Variants in FAT3 observed in about 807,000 individuals in gnomAD.
The protein encoded by FAT3 is protocadherin Fat 3.
FAT3 carries 95 observed loss-of-function variants against 310.2 expected under a neutral mutation model. That is an observed-to-expected ratio of 0.31 (90% CI 0.26 to 0.36). The LOEUF is 0.36. Ranked by LOEUF, FAT3 falls within the 10% of genes least tolerant of loss-of-function variation. The pLI is 1.00. For missense variants in FAT3, 5,408 were observed against 5,715.6 expected (o/e 0.95, Z 1.74); for synonymous variants, 2,314 against 2,192.9 (o/e 1.06, Z -1.54).
chr11:92,549,633 G>A (rs751252300), intron 3 of FAT3, among the ~76,000 whole-genome samples: 18 of 152,192 alleles, frequency 1.2e-4, no homozygotes, highest in African/African-American at 3.9e-4. Flanking sequence ...AACATACTTA[G>A]CATTCATTAT....
chr11:92,311,037 T>A (rs1947288886), intron 1 of FAT3, among the ~76,000 whole-genome samples: 1 of 151,722 alleles, frequency 6.6e-6, no homozygotes, highest in Admixed American at 6.6e-5. Flanking sequence ...TATATATACA[T>A]ACACATATAT....
chr11:92,366,426 A>G, intron 2 of FAT3: 1 of 349,208 alleles, frequency 2.9e-6, no homozygotes, highest in African/African-American at 2.1e-5. Flanking sequence ...CATGTCCAGG[A>G]GGGAGGTGCA....
chr11:92,516,310 C>G (rs2135329885), intron 2 of FAT3, among the ~76,000 whole-genome samples: 1 of 152,224 alleles, frequency 6.6e-6, no homozygotes, highest in East Asian at 1.9e-4. Context: ...CGGCTTCATC[C>G]CTGGGATGCA....
At chr11:92,566,038 G>A (rs1955426952) in intron 3 of FAT3, among the ~76,000 whole-genome samples, 1 of 152,284 alleles carries the variant, frequency 6.6e-6, no homozygotes, top group Non-Finnish European at 1.5e-5. Flanking sequence ...TCTGGCTAGG[G>A]CAATAGGCAG....
intron 2 of FAT3, among the ~76,000 whole-genome samples, chr11:92,480,610 A>G (rs1298526473): frequency 6.6e-6 from 1 of 152,192 alleles, no homozygotes; most frequent in Non-Finnish European, 1.5e-5. Flanking sequence ...AAAATGTAAT[A>G]TGTCCATTCT....
intron 2 of FAT3, among the ~76,000 whole-genome samples, chr11:92,401,060 C>T (rs1326180028): frequency 6.6e-6 from 1 of 152,128 alleles, no homozygotes; most frequent in East Asian, 1.9e-4. Flanking sequence ...TCCTTATTGC[C>T]ATTCTTACAA....
intron 1 of FAT3, among the ~76,000 whole-genome samples, chr11:92,293,548 ATAT>A (rs1946765581): frequency 5.7e-5 from 1 of 17,456 alleles, no homozygotes; most frequent in Non-Finnish European, 1.3e-4. Context: ...ATATATATAT[ATAT>A]AAATAAAATA....
chr11:92,269,745 C>T (rs932623149), intron 1 of FAT3, among the ~76,000 whole-genome samples: 2 of 152,016 alleles, frequency 1.3e-5, no homozygotes, highest in African/African-American at 4.8e-5. Context: ...TCACCATATT[C>T]GAAATGGGAG....
chr11:92,433,504 C>G (rs1950848291), intron 2 of FAT3, among the ~76,000 whole-genome samples: 1 of 152,158 alleles, frequency 6.6e-6, no homozygotes, highest in African/African-American at 2.4e-5. Flanking sequence ...CTGACCCCTT[C>G]TACTTCCTGG....
chr11:92,778,365 A>G (rs1946647381), intron 7 of FAT3, among the ~76,000 whole-genome samples: 1 of 152,172 alleles, frequency 6.6e-6, no homozygotes, highest in South Asian at 2.1e-4. Flanking sequence ...TAGTCCATTA[A>G]CTGACACCAG....
At chr11:92,298,345 C>A (rs1591071052) in intron 1 of FAT3, among the ~76,000 whole-genome samples, 1 of 152,018 alleles carries the variant, frequency 6.6e-6, no homozygotes, top group East Asian at 1.9e-4. Context: ...TGGAGGAGTT[C>A]TTTGTTTACA....
At chr11:92,734,731 A>G (rs1428875821) in intron 4 of FAT3, among the ~76,000 whole-genome samples, 1 of 152,160 alleles carries the variant, frequency 6.6e-6, no homozygotes, top group Non-Finnish European at 1.5e-5. Flanking sequence ...AGAAGGAACA[A>G]GGTGTGTGTA....
At chr11:92,634,065 G>A (rs951293635) in intron 3 of FAT3, among the ~76,000 whole-genome samples, 4 of 152,174 alleles carry the variant, frequency 2.6e-5, no homozygotes, top group African/African-American at 9.7e-5. Context: ...GTCCACTGCT[G>A]ACTAGAAGGT....
chr11:92,759,519 T>G (rs1281475022), intron 4 of FAT3, among the ~76,000 whole-genome samples: 1 of 152,116 alleles, frequency 6.6e-6, no homozygotes, highest in Non-Finnish European at 1.5e-5. Flanking sequence ...TCAGCTGGAC[T>G]TAAAGGGTGA....
At chr11:92,561,196 G>A (rs1955212051) in intron 3 of FAT3, among the ~76,000 whole-genome samples, 1 of 151,696 alleles carries the variant, frequency 6.6e-6, no homozygotes, top group Non-Finnish European at 1.5e-5. Flanking sequence ...TAGCATGGCT[G>A]ATACTTTTAC....
intron 1 of FAT3, among the ~76,000 whole-genome samples, chr11:92,338,756 A>G (rs148520656): frequency 1.3e-5 from 2 of 152,298 alleles, no homozygotes; most frequent in African/African-American, 2.4e-5. Context: ...TTGGGAACAA[A>G]CGGGGATTCT....
intron 15 of FAT3, 96 bp downstream of exon 15, chr11:92,835,180 A>G: frequency 9.9e-7 from 1 of 1,009,554 alleles, no homozygotes; most frequent in South Asian, 1.7e-5. Context: ...GGTTTTCTTC[A>G]CACTTCCCCC....
intron 2 of FAT3, among the ~76,000 whole-genome samples, chr11:92,381,288 T>C (rs1372072745): frequency 1.3e-5 from 2 of 152,154 alleles, no homozygotes; most frequent in Admixed American, 1.3e-4. Flanking sequence ...GGCAGGTGGA[T>C]CACTTGAGGT....
At chr11:92,804,184 G>A (rs1457056686) in intron 10 of FAT3, among the ~76,000 whole-genome samples, 1 of 152,100 alleles carries the variant, frequency 6.6e-6, no homozygotes, top group Non-Finnish European at 1.5e-5. Context: ...TGCTGGTTTT[G>A]TCCACTGATG....
Sources: allele counts gnomAD v4.1 joint callset (sites outside exome capture counted in the v4.1 genomes callset), GRCh38; gene constraint gnomAD v4.1.1; transcripts MANE v1.5; gene names NCBI Gene and HGNC (gene_info 2026-07-23, HGNC 2026-07-21).